The following LRRC46 variants were observed in gnomAD, a reference collection of about 807,000 sequenced individuals.
LRRC46 encodes the protein leucine-rich repeat-containing protein 46.
LRRC46 carries 20 observed loss-of-function variants against 28.0 expected under a neutral mutation model. That is an observed-to-expected ratio of 0.71 (90% confidence interval 0.50 to 1.04). The LOEUF is 1.04. LRRC46 is among the 50% of genes least tolerant of loss of function. The pLI is 0.00. For synonymous variants in LRRC46, 156 were observed against 158.8 expected, an observed-to-expected ratio of 0.98 and a Z score of 0.13; for missense variants, 315 against 390.1, an observed-to-expected ratio of 0.81 and a Z score of 1.62.
intron 4 of LRRC46, 120 bp downstream of exon 4, chr17:47,835,519 A>G (rs1185142788): frequency 5.7e-6 from 8 of 1,405,554 alleles, no homozygotes; most frequent in African/African-American, 1.4e-5. Context: ...CAGCAAGCCT[A>G]GATCTACTCC....
chr17:47,834,624 T>G, intron 3 of LRRC46, 91 bp downstream of exon 3: 1 of 758,190 alleles, frequency 1.3e-6, no homozygotes, highest in Non-Finnish European at 2.3e-6. Flanking sequence ...ATCCTGCCCA[T>G]TCCCTGGTGT....
At position 47,831,958 on chromosome 17, in the gene LRRC46, C is replaced by T. The variant is rs1217311788; in HGVS notation, c.-32C>T. 1 of 1,612,718 alleles carries T rather than the reference C, an allele frequency of 6.2e-7. No homozygotes were observed. Among genetic ancestry groups the T allele is most frequent in the African/African-American group, 1.3e-5 (1 of 74,846 alleles). The stretch of plus-strand genomic sequence containing the variant: ...AAGACCTCTCTTTTCGTTCCTCTCC[C>T]GCCTCAGACCAGCAGCCTTTTATTT... On this transcript the variant is annotated 5_prime_UTR_variant, in exon 1 of 8. Transcript: ENST00000269025.
chr17:47,832,556 G>T (rs766821195), intron 2 of LRRC46, among the ~76,000 whole-genome samples: 1 of 152,030 alleles, frequency 6.6e-6, no homozygotes, highest in Non-Finnish European at 1.5e-5. Flanking sequence ...GAGCATGGTG[G>T]TGCACACCTG....
In LRRC46 at chr17:47,837,144, A is replaced by G; in HGVS notation, c.*24A>G. ...GATTCTCTGTCAACCTTTCTCTACT[A>G]GTGGAGAGGAGTGGGGCCTGCCCCT... On this transcript the variant is annotated 3_prime_UTR_variant, in exon 8 of 8. Coordinates refer to ENST00000269025, the MANE Select transcript of LRRC46 (RefSeq NM_033413.4). 1 of 1,590,848 alleles carries G rather than the reference A, an allele frequency of 6.3e-7. No individual in the cohort carries two copies. The highest frequency in any genetic ancestry group is 8.5e-7 in the Non-Finnish European group (1 of 1,174,542).
At chr17:47,835,489 G>C (rs1388459838) in intron 4 of LRRC46, 90 bp downstream of exon 4, 4 of 1,527,806 alleles carry the variant, frequency 2.6e-6, no homozygotes. Flanking sequence ...TCCAAGCCTG[G>C]GTCCTTGTCA....
chr17:47,835,445 C>G (rs1280348378), intron 4 of LRRC46, 46 bp downstream of exon 4: 4 of 1,604,684 alleles, frequency 2.5e-6, no homozygotes, highest in Non-Finnish European at 3.4e-6. Flanking sequence ...GTTGGGGGAA[C>G]CTAGCCATAT....
intron 3 of LRRC46, 140 bp downstream of exon 3, chr17:47,834,673 A>G (rs2033674073): frequency 1.7e-6 from 1 of 597,898 alleles, no homozygotes; most frequent in Admixed American, 3.1e-5. Flanking sequence ...TTCCCAGACG[A>G]ATGACATAGG....
In LRRC46 at chr17:47,837,474, T is replaced by C. The variant is rs1003146794; in HGVS notation, c.*354T>C. ...TCACTGCCACCCCTAGCGAGTGCCC[T>C]TCCCCGGTCCAAGCCAAGGACCAAG... is the stretch of plus-strand genomic sequence containing the variant. On this transcript the variant is annotated 3_prime_UTR_variant, in exon 8 of 8. Transcript: ENST00000269025. The C allele has an allele frequency of 3.6e-5, 14 of 393,582 alleles. No homozygotes were observed. Among genetic ancestry groups the C allele is most frequent in the African/African-American group, 2.6e-4 (12 of 46,568 alleles). 24.4% of individuals were successfully genotyped at this position (393,582 alleles called of 1,614,324 possible).
intron 2 of LRRC46, chr17:47,833,771 C>G (rs2033663545): frequency 8.6e-6 from 1 of 116,592 alleles, no homozygotes; most frequent in African/African-American, 2.9e-5. Context: ...TTTTTTATGA[C>G]ATAGGGTCTT....
chr17:47,836,609 GGT>G lies in LRRC46; in HGVS notation c.595+137_596-137del. ...CAGATCAACATCTGGGCCAGAGCCA[GGT>G]GTCAGTCCTGGGCCCCAGCCTCAGG... On this transcript the variant is annotated intron_variant, in intron 7 of 7. Transcript: ENST00000269025. The surrounding 1 kb of genome is among the most constrained non-coding windows in gnomAD (Gnocchi z 5.8). 6.7e-7 allele frequency: 1 copy of G among 1,492,240 alleles called. No individual in the cohort carries two copies. The highest frequency in any genetic ancestry group is 9.0e-7 in the Non-Finnish European group (1 of 1,112,172). 92.4% of individuals were successfully genotyped at this position (1,492,240 alleles called of 1,614,324 possible). A position where few individuals can be genotyped will look rare whatever the true frequency, so the allele number is the denominator to read the frequency against.
intron 2 of LRRC46, among the ~76,000 whole-genome samples, chr17:47,833,698 C>A (rs974512770): frequency 1.3e-5 from 2 of 151,540 alleles, no homozygotes; most frequent in African/African-American, 2.4e-5. Flanking sequence ...GCAATCCACC[C>A]ACCTCGACCT....
Position 47,836,250 on chromosome 17 carries a change from G to A in LRRC46, c.453-83G>A. On this transcript the variant is annotated intron_variant, in intron 6 of 7. Coordinates refer to ENST00000269025, the MANE Select transcript of LRRC46 (RefSeq NM_033413.4). The surrounding 1 kb of genome is among the most constrained non-coding windows in gnomAD (Gnocchi z 5.8). ...TAGCTCATGAGCCACCACCCCTCCG[G>A]GTGTGAGTGCTGTGGTGCGTGTCTT... 6.3e-7 allele frequency: 1 copy of A among 1,593,802 alleles called. No individual in the cohort carries two copies. Among genetic ancestry groups the A allele is most frequent in the South Asian group, 1.1e-5 (1 of 89,006 alleles).
Position 47,835,719 on chromosome 17 carries a change from T to G in LRRC46, c.326T>G (p.Leu109Arg). The change falls in exon 5 of 8, where the codon CTC becomes CGC. Residue 109 changes from leucine to arginine, a missense_variant. By Grantham distance (102) the Leu-to-Arg change is moderately radical (BLOSUM62 -2). Transcript: ENST00000269025. ...AGGCAGGTGGAAAACCTCCTCGACCTCCCATGCCTCCAGTTTCTGGACCTT... is the reference window on the plus strand; with the variant it reads ...AGGCAGGTGGAAAACCTCCTCGACCGCCCATGCCTCCAGTTTCTGGACCTT... ...QIRQVENLLDLPCLQFLDLSE... is the reference protein window; with the variant it reads ...QIRQVENLLDRPCLQFLDLSE... The G allele has an allele frequency of 1.2e-6, 2 of 1,614,150 alleles. No individual in the cohort carries two copies. The highest frequency in any genetic ancestry group is 1.7e-6 in the Non-Finnish European group (2 of 1,180,016).
chr17:47,832,337 C>T, intron 2 of LRRC46, 132 bp downstream of exon 2: 1 of 581,246 alleles, frequency 1.7e-6, no homozygotes, highest in Non-Finnish European at 2.9e-6. Flanking sequence ...AGTGGTAATG[C>T]CCAGCTGATT....
intron 2 of LRRC46, among the ~76,000 whole-genome samples, chr17:47,832,543 G>T (rs1420658257): frequency 6.6e-6 from 1 of 152,102 alleles, no homozygotes; most frequent in Non-Finnish European, 1.5e-5. Flanking sequence ...AAATAAACTA[G>T]CTGAGCATGG....
In LRRC46 at chr17:47,835,700, G is replaced by A. The variant is rs879059391; in HGVS notation, c.307G>A (p.Val103Met). 6.2e-7 allele frequency: 1 copy of A among 1,614,168 alleles called. No homozygotes were observed. The highest frequency in any genetic ancestry group is 8.5e-7 in the Non-Finnish European group (1 of 1,180,034). The change falls in exon 5 of 8, where the codon GTG becomes ATG. Residue 103 changes from valine to methionine, a missense_variant. Coordinates refer to ENST00000269025, the MANE Select transcript of LRRC46 (RefSeq NM_033413.4). Reference protein sequence around the residue: ...LSLAGNQIRQVENLLDLPCLQ... With the variant: ...LSLAGNQIRQMENLLDLPCLQ... ...TCTGGCAGGAAACCAAATCAGGCAGGTGGAAAACCTCCTCGACCTCCCATG... is the reference window on the plus strand; with the variant it reads ...TCTGGCAGGAAACCAAATCAGGCAGATGGAAAACCTCCTCGACCTCCCATG...
chr17:47,834,428 TCACA>T lies in LRRC46; in HGVS notation c.122_125del (p.His41LeufsTer21). On this transcript the variant is annotated frameshift_variant, in exon 3 of 8. Coordinates refer to ENST00000269025, the MANE Select transcript of LRRC46 (RefSeq NM_033413.4). LOFTEE classifies it high-confidence loss of function. ...CCCTTACTGACTCTTTTCCCAGGTT[TCACA>T]CTCTTGATGAACTGCAGACTGTCCG... 3 of 1,611,038 alleles carry T rather than the reference TCACA, an allele frequency of 1.9e-6. No homozygotes were observed. In the Admixed American group the frequency reaches 5.0e-5, roughly 27 times the overall value.
intron 4 of LRRC46, 52 bp downstream of exon 4, chr17:47,835,451 C>T (rs2033682790): frequency 6.2e-7 from 1 of 1,600,252 alleles, no homozygotes; most frequent in African/African-American, 1.3e-5. Flanking sequence ...GGAACCTAGC[C>T]ATATCCCAAA....
chr17:47,835,441 G>C, intron 4 of LRRC46, 42 bp downstream of exon 4: 1 of 1,608,714 alleles, frequency 6.2e-7, no homozygotes, highest in Non-Finnish European at 8.5e-7. Flanking sequence ...AGGGGTTGGG[G>C]GAACCTAGCC....
Sources: gnomAD v4.1 joint callset for allele counts (sites outside exome capture counted in the v4.1 genomes callset) on GRCh38, gnomAD v4.1.1 for gene constraint, Gnocchi (gnomAD v3.1) non-coding constraint, MANE v1.5 for transcripts, NCBI Gene and HGNC (gene_info 2026-07-23, HGNC 2026-07-21) for gene names.